TRAPPC8: variants seen among roughly 807,000 people sequenced by gnomAD.
TRAPPC8 encodes the protein general sporulation gene 1 homolog.
A neutral mutation model predicts 174.3 loss-of-function variants in TRAPPC8; 54 were observed. The ratio of observed to expected loss-of-function variants is 0.31; its 90% CI spans 0.25 to 0.39. The LOEUF (loss-of-function observed/expected upper bound fraction) is 0.39, where lower values mean the gene tolerates loss of function less well. Ranked by LOEUF, TRAPPC8 falls within the 10% of genes least tolerant of loss-of-function variation. The pLI, the probability that TRAPPC8 is intolerant of heterozygous loss-of-function variation, is 1.00. For synonymous variants in TRAPPC8, 630 were observed against 579.9 expected, an observed-to-expected ratio of 1.09 and a Z score of -1.24; for missense variants, 1,531 against 1,699.1, an observed-to-expected ratio of 0.90 and a Z score of 1.74.
intron 2 of TRAPPC8, among the ~76,000 whole-genome samples, chr18:31,926,847 C>T (rs545527331): frequency 3.5e-4 from 54 of 152,188 alleles, no homozygotes; most frequent in African/African-American, 1.1e-3. Flanking sequence ...GAATATTAAC[C>T]AAAAACTATG....
At chr18:31,935,396 C>A in intron 1 of TRAPPC8, among the ~76,000 whole-genome samples, 1 of 123,784 alleles carries the variant, frequency 8.1e-6, no homozygotes, top group South Asian at 2.5e-4. Flanking sequence ...AATAAGTCTG[C>A]AATTACAGGC....
At chr18:31,837,314 C>T (rs1250278635) in intron 27 of TRAPPC8, among the ~76,000 whole-genome samples, 3 of 117,106 alleles carry the variant, frequency 2.6e-5, no homozygotes, top group South Asian at 3.6e-4. Context: ...ACTTTGGAGA[C>T]GTTACTATGT....
At chr18:31,873,296 C>T (rs1311307053) in intron 14 of TRAPPC8, 134 bp downstream of exon 14, 1 of 692,534 alleles carries the variant, frequency 1.4e-6, no homozygotes, top group Non-Finnish European at 2.4e-6. Flanking sequence ...GGATTACAGG[C>T]ATGAGCCAAT....
intron 24 of TRAPPC8, among the ~76,000 whole-genome samples, chr18:31,851,913 C>T (rs566217420): frequency 2.6e-5 from 4 of 152,044 alleles, no homozygotes; most frequent in South Asian, 2.1e-4. Flanking sequence ...TTACTTCATA[C>T]GATAGTCTCA....
chr18:31,843,035 A>G (rs9963080), intron 26 of TRAPPC8, among the ~76,000 whole-genome samples: 3,784 of 152,250 alleles, frequency 0.025, 104 homozygotes, highest in African/African-American at 0.068. Flanking sequence ...TTTTCAAGGC[A>G]AAAAAATTCA....
intron 2 of TRAPPC8, among the ~76,000 whole-genome samples, chr18:31,927,517 A>G (rs2037667452): frequency 6.6e-6 from 1 of 152,086 alleles, no homozygotes; most frequent in Non-Finnish European, 1.5e-5. Flanking sequence ...TCAGCCTCCC[A>G]AAGTGCTGGG....
rs377464077 is a variant in TRAPPC8, at chr18:31,915,290, A to C, written c.617+982T>G. Among the ~76,000 whole-genome samples, 252 of 151,566 alleles carry C rather than the reference A, an allele frequency of 1.7e-3. 6 individuals are homozygous for C. In the South Asian group the frequency reaches 0.028, roughly 17 times the overall value. On this transcript the variant is annotated intron_variant, in intron 4 of 28. Coordinates refer to ENST00000283351, the MANE Select transcript of TRAPPC8 (RefSeq NM_014939.5). ...AGCCTGGCCTACGTGGTGAAACCCTATCTCTACTAAAAATACAAAAATTAG... is the reference window on the plus strand; with the variant it reads ...AGCCTGGCCTACGTGGTGAAACCCTCTCTCTACTAAAAATACAAAAATTAG...
intron 14 of TRAPPC8, among the ~76,000 whole-genome samples, chr18:31,871,630 T>C (rs1322541283): frequency 2.0e-5 from 3 of 152,172 alleles, no homozygotes; most frequent in Non-Finnish European, 2.9e-5. Flanking sequence ...CACATAAGTA[T>C]ATCTAAAAAA....
intron 9 of TRAPPC8, among the ~76,000 whole-genome samples, chr18:31,904,339 C>T (rs2036571058): frequency 6.6e-6 from 1 of 152,036 alleles, no homozygotes. Flanking sequence ...CACCTGAAGT[C>T]TGGAGTTCGA....
rs2032301710 is a variant in TRAPPC8 at position 31,830,607 on chromosome 18, GCAT to G, written c.*145_*147del. ...AAGTATTCTCAGTCCAACGTGCTTTGCATCATCAACAAAATGACAAGTCAAAGT... is the reference window on the plus strand; with the variant it reads ...AAGTATTCTCAGTCCAACGTGCTTTGCATCAACAAAATGACAAGTCAAAGT... On this transcript the variant is annotated 3_prime_UTR_variant, in exon 29 of 29. Transcript: ENST00000283351. The G allele has an allele frequency of 3.1e-6, 2 of 644,780 alleles. No homozygotes were observed. Among genetic ancestry groups the G allele is most frequent in the Non-Finnish European group, 5.3e-6 (2 of 379,166 alleles). 39.9% of individuals were successfully genotyped at this position (644,780 alleles called of 1,614,324 possible).
chr18:31,874,570 C>T lies in TRAPPC8; in HGVS notation c.1863G>A (p.Val621=), dbSNP rs2035048357. 12 of 1,614,100 alleles carry T rather than the reference C, an allele frequency of 7.4e-6. No homozygotes were observed. The highest frequency in any genetic ancestry group is 4.5e-5 in the East Asian group (2 of 44,868). The change falls in exon 13 of 29, where the codon GTG becomes GTA. Residue 621 remains valine (V), a synonymous_variant. Transcript: ENST00000283351. ...TAATTAGAATATGCCTAAAAGCAGA[C>T]ACAGCATTATCCAGCTGTCTAAGAG... ...SYTLRQLDNA[V]SAFRHILINE... is the part of the protein sequence containing the mutation.
At chr18:31,849,072 CAA>C (rs11361265) in intron 25 of TRAPPC8, among the ~76,000 whole-genome samples, 14 of 151,582 alleles carry the variant, frequency 9.2e-5, no homozygotes, top group Non-Finnish European at 1.9e-4. Context: ...TTATATTAAA[CAA>C]AAAAGTCTTC....
At chr18:31,899,713 A>T (rs2036333634) in intron 10 of TRAPPC8, among the ~76,000 whole-genome samples, 1 of 151,878 alleles carries the variant, frequency 6.6e-6, no homozygotes, top group Admixed American at 6.6e-5. Context: ...TTGGGAGGCC[A>T]AGGTGGGCGG....
At chr18:31,867,090 CAATTA>C (rs2034623915) in intron 17 of TRAPPC8, 115 bp from the exon 18 acceptor site, 7 of 1,104,208 alleles carry the variant, frequency 6.3e-6, no homozygotes, top group Middle Eastern at 4.5e-4. Context: ...TTTAAAATGC[CAATTA>C]ATTTATGAAA....
chr18:31,886,344 GGAAAAAA>G (rs1568092448), intron 12 of TRAPPC8, among the ~76,000 whole-genome samples: 1 of 71,244 alleles, frequency 1.4e-5, no homozygotes, highest in South Asian at 7.9e-4. Context: ...TGTTTCTTGA[GGAAAAAA>G]AAAAAAAAAA....
intron 9 of TRAPPC8, among the ~76,000 whole-genome samples, chr18:31,905,544 T>G (rs1448304611): frequency 6.6e-6 from 1 of 152,168 alleles, no homozygotes; most frequent in Non-Finnish European, 1.5e-5. Context: ...AAAAATTATT[T>G]TTTATATTCC....
chr18:31,866,720 C>T (rs1378589618), intron 18 of TRAPPC8, 129 bp downstream of exon 18: 2 of 1,012,970 alleles, frequency 2.0e-6, no homozygotes, highest in Non-Finnish European at 2.7e-6. Context: ...GTCATTCTTA[C>T]ATCTGGCTAA....
chr18:31,917,027 G>A (rs1308621329), intron 3 of TRAPPC8, among the ~76,000 whole-genome samples: 8 of 151,550 alleles, frequency 5.3e-5, no homozygotes, highest in African/African-American at 1.9e-4. Context: ...ATGGACAACT[G>A]TACAACTTCA....
At chr18:31,874,051 A>G (rs894994326) in intron 13 of TRAPPC8, 1 of 202,578 alleles carries the variant, frequency 4.9e-6, no homozygotes, top group Non-Finnish European at 9.9e-6. Flanking sequence ...CCATTGCACC[A>G]TAATAGCCTG....
Sources: allele counts gnomAD v4.1 joint callset (sites outside exome capture counted in the v4.1 genomes callset), GRCh38; gene constraint gnomAD v4.1.1; transcripts MANE v1.5; gene names NCBI Gene and HGNC (gene_info 2026-07-23, HGNC 2026-07-21).